Variants in HERC2 observed in about 807,000 individuals in gnomAD.
HERC2 encodes HECT and RLD domain containing E3 ubiquitin protein ligase 2.
Under a neutral mutation model 537.7 loss-of-function variants are expected in HERC2, and 102 were observed. That is an observed-to-expected ratio of 0.19 (90% CI 0.16 to 0.22). The LOEUF is 0.22. Among genes scored for constraint, HERC2 ranks in the 10% least tolerant of loss-of-function variants. The pLI, the probability that HERC2 is intolerant of heterozygous loss-of-function variation, is 1.00. For synonymous variants in HERC2, 2,224 were observed against 2,466.2 expected (o/e 0.90, Z 2.91); for missense variants, 4,236 against 6,198.2 (o/e 0.68, Z 10.63).
Position 28,131,701 on chromosome 15 carries a change from A to G in HERC2, c.12570+399T>C, listed in dbSNP as rs546951854. ...AGATGGCCCCGGCTAACCCAGATGC[A>G]GTCCCTTTAGCAAGCACTGGCACCC... On this transcript the variant is annotated intron_variant, in intron 81 of 92. Coordinates refer to ENST00000261609, the MANE Select transcript of HERC2 (RefSeq NM_004667.6). Among the ~76,000 whole-genome samples the G allele has an allele frequency of 7.9e-5, 12 of 152,302 alleles. No homozygotes were observed. In the East Asian group the frequency reaches 2.3e-3, roughly 29 times the overall value.
In HERC2 at chr15:28,202,350, G is replaced by C; in HGVS notation, c.7477C>G (p.Pro2493Ala). 1.2e-6 allele frequency: 2 copies of C among 1,613,882 alleles called. No homozygotes were observed. The highest frequency in any genetic ancestry group is 4.5e-5 in the East Asian group (2 of 44,876). Residue 2493 changes from proline (P) to alanine (A), a missense_variant, in exon 46 of 93, where the codon CCT (proline) becomes GCT (alanine). This residue lies in a region of HERC2 where 606 missense variants were observed against 884.5 expected (regional missense o/e 0.69). Transcript: ENST00000261609. The part of the protein sequence containing the change: ...TGASGNASSL[P>A]GVEALVGWLL... ...AGAGGCCAGGAAAACGAAGTACCAG[G>C]CAAGCTGGATGCATTCCCGGAAGCA...
At chr15:28,260,263 G>T (rs2075383674) in intron 16 of HERC2, among the ~76,000 whole-genome samples, 1 of 152,102 alleles carries the variant, frequency 6.6e-6, no homozygotes, top group Non-Finnish European at 1.5e-5. Flanking sequence ...AAGGAAAACT[G>T]CATGACCATT....
intron 6 of HERC2, among the ~76,000 whole-genome samples, chr15:28,274,670 T>C (rs1396968390): frequency 6.6e-6 from 1 of 152,204 alleles, no homozygotes; most frequent in East Asian, 1.9e-4. Flanking sequence ...ACTCAGGTGT[T>C]CCATGGTAGT....
At position 28,113,136 on chromosome 15, in the gene HERC2, C is replaced by T. The variant is rs141203755; in HGVS notation, c.14167G>A (p.Val4723Ile). ...NTERSLFLRF[V>I]WGRTRLPRTI... Reference sequence around the variant, plus strand: ...CTGGGCAGCCTCGTCCGGCCCCAGACGAAGCGAAGGAAAAGAGAGCGCTCT... The same window carrying T: ...CTGGGCAGCCTCGTCCGGCCCCAGATGAAGCGAAGGAAAAGAGAGCGCTCT... The change falls in exon 92 of 93, where the codon GTC becomes ATC. Residue 4723 changes from valine (V) to isoleucine (I), a missense_variant. Physicochemically the swap from Val to Ile is conservative, Grantham distance 29 (BLOSUM62 3). Transcript: ENST00000261609. The surrounding 1 kb of genome is among the most constrained non-coding windows in gnomAD (Gnocchi z 7.0). The T allele has an allele frequency of 3.1e-6, 5 of 1,613,942 alleles. No homozygotes were observed. The highest frequency in any genetic ancestry group is 1.7e-5 in the Admixed American group (1 of 60,016).
intron 64 of HERC2, 107 bp downstream of exon 64, chr15:28,175,405 C>G (rs1315163665): frequency 1.8e-6 from 2 of 1,103,044 alleles, no homozygotes. Flanking sequence ...TAAGACTCAG[C>G]TGATTTCATC....
At chr15:28,112,988 G>T in intron 92 of HERC2, 83 bp downstream of exon 92, 1 of 1,083,870 alleles carries the variant, frequency 9.2e-7, no homozygotes. Context: ...TTTTCCATGT[G>T]CTGCAGGACT....
At chr15:28,292,548 G>A (rs2076346421) in intron 4 of HERC2, among the ~76,000 whole-genome samples, 1 of 152,078 alleles carries the variant, frequency 6.6e-6, no homozygotes, top group Non-Finnish European at 1.5e-5. Context: ...AGGTGCGATG[G>A]CTCACACCTG....
intron 48 of HERC2, among the ~76,000 whole-genome samples, chr15:28,199,124 G>A (rs1897645775): frequency 6.6e-6 from 1 of 151,726 alleles, no homozygotes; most frequent in Non-Finnish European, 1.5e-5. Flanking sequence ...TCCAGCCTGA[G>A]TGACAAAGTG....
intron 85 of HERC2, 66 bp from the exon 86 acceptor site, chr15:28,121,495 T>C: frequency 7.8e-7 from 1 of 1,286,136 alleles, no homozygotes; most frequent in Non-Finnish European, 1.1e-6. Flanking sequence ...GAAGAAATCA[T>C]CACATAGTTT....
chr15:28,272,900 G>T lies in HERC2; in HGVS notation c.905C>A (p.Thr302Lys), dbSNP rs150363648. 3 of 1,608,984 alleles carry T rather than the reference G, an allele frequency of 1.9e-6. No individual in the cohort carries two copies. Among genetic ancestry groups the T allele is most frequent in the East Asian group, 2.2e-5 (1 of 44,872 alleles). Reference protein sequence around the residue: ...ILLELAVQRGTLSQMLSAILL... With the variant: ...ILLELAVQRGKLSQMLSAILL... ...CGTCTGCGGCAGCCCTCACCTCAGC[G>T]TGCCTCTCTGCACAGCCAGCTCCAG... The change falls in exon 8 of 93, where the codon ACG (threonine) becomes AAG (lysine). Residue 302 changes from threonine to lysine, a missense_variant. Around this residue, in one of 27 missense-constraint regions of HERC2, gnomAD observed 491 missense variants for 559.3 expected, o/e 0.88. Transcript: ENST00000261609.
chr15:28,120,289 A>G (rs1263703282), intron 86 of HERC2, among the ~76,000 whole-genome samples: 1 of 152,232 alleles, frequency 6.6e-6, no homozygotes, highest in Non-Finnish European at 1.5e-5. Flanking sequence ...CCAACAAAGG[A>G]CAAGAGTTTC....
intron 86 of HERC2, among the ~76,000 whole-genome samples, chr15:28,118,688 G>A (rs1263366403): frequency 4.6e-5 from 7 of 152,150 alleles, no homozygotes; most frequent in African/African-American, 2.4e-5. Context: ...GCCCATCATC[G>A]CAGCCATGGG....
rs1464228414 is a variant in HERC2 at position 28,126,042 on chromosome 15, C to T, written c.12803-849G>A. On this transcript the variant is annotated intron_variant, in intron 83 of 92. Transcript: ENST00000261609. ...GGTCAGGCTGGTCTCGAACTCCTGACTTGGTGATCCACCTGAAAATCTATG... is the reference window on the plus strand; with the variant it reads ...GGTCAGGCTGGTCTCGAACTCCTGATTTGGTGATCCACCTGAAAATCTATG... Among the ~76,000 whole-genome samples, 3 of 152,308 alleles carry T rather than the reference C, an allele frequency of 2.0e-5. No homozygotes were observed. The East Asian group carries it at 5.8e-4, about 29-fold the overall frequency.
chr15:28,192,030 G>A lies in HERC2; in HGVS notation c.8382C>T (p.Ser2794=), dbSNP rs143706639. 136 of 1,614,044 alleles carry A rather than the reference G, an allele frequency of 8.4e-5. No homozygotes were observed. In the African/African-American group the frequency reaches 1.1e-3, roughly 13 times the overall value. The change falls in exon 53 of 93, where the codon TCC becomes TCT. Residue 2794 remains serine (S), a synonymous_variant. Transcript: ENST00000261609. ...RMVKSLNVSS[S]VNQASRLIDG... is the part of the protein sequence containing the mutation. ...CAATGAGACGGGATGCCTGGTTCAC[G>A]GAGGACGACACATTCAGGCTCTTCA...
At chr15:28,307,203 C>T (rs913398718) in intron 2 of HERC2, among the ~76,000 whole-genome samples, 10 of 152,202 alleles carry the variant, frequency 6.6e-5, no homozygotes, top group Non-Finnish European at 4.4e-5. Context: ...TCTCTAATGA[C>T]CCTTTGAATT....
At chr15:28,308,367 C>T (rs1421841734) in intron 2 of HERC2, among the ~76,000 whole-genome samples, 6 of 152,188 alleles carry the variant, frequency 3.9e-5, no homozygotes, top group African/African-American at 1.4e-4. Context: ...TTACTGTTGG[C>T]ACACAGAAAT....
intron 73 of HERC2, 36 bp downstream of exon 73, chr15:28,144,041 C>T (rs1425689776): frequency 1.1e-5 from 18 of 1,614,040 alleles, no homozygotes; most frequent in Non-Finnish European, 1.5e-5. Context: ...TTCTTCCAAG[C>T]AGGAAGACAG....
rs1567042442 is a variant in HERC2 at position 28,228,295 on chromosome 15, T to TGCA, written c.5384_5386dup (p.Leu1795dup). 6.2e-7 allele frequency: 1 copy of TGCA among 1,613,018 alleles called. No individual in the cohort carries two copies. Among genetic ancestry groups the TGCA allele is most frequent in the South Asian group, 1.1e-5 (1 of 91,020 alleles). On this transcript the variant is annotated inframe_insertion, in exon 35 of 93. Transcript: ENST00000261609. ...AAGGTCGAGGTTGTTTGCGCCGTGC[T>TGCA]GCAGGGTGAGCATGCTGAGCATCAC...
intron 69 of HERC2, among the ~76,000 whole-genome samples, chr15:28,161,032 G>GA (rs1207743872): frequency 1.3e-5 from 2 of 152,004 alleles, no homozygotes; most frequent in African/African-American, 4.8e-5. Context: ...CAAAAAACTA[G>GA]AAAAAAGGAT....
Sources: allele counts gnomAD v4.1 joint callset (sites outside exome capture counted in the v4.1 genomes callset), GRCh38; gene constraint gnomAD v4.1.1; regional missense constraint gnomAD v4.1.1; non-coding constraint Gnocchi (gnomAD v3.1); transcripts MANE v1.5; gene names NCBI Gene and HGNC (gene_info 2026-07-23, HGNC 2026-07-21).